The following MORC2 variants were observed in gnomAD, a reference collection of about 807,000 sequenced individuals.
MORC2 encodes the protein MORC family CW-type zinc finger 2, also known as ATPase MORC2.
Under a neutral mutation model 136.0 loss-of-function variants are expected in MORC2, and 30 were observed. The observed-to-expected ratio is 0.22, with a 90% CI of 0.17 to 0.30. MORC2 has a LOEUF of 0.30. Among genes scored for constraint, MORC2 ranks in the 10% least tolerant of loss-of-function variants. The pLI is 1.00. For missense variants in MORC2, 922 were observed against 1,333.1 expected, an observed-to-expected ratio of 0.69 and a Z score of 4.80; for synonymous variants, 439 against 487.0, an observed-to-expected ratio of 0.90 and a Z score of 1.30.
At chr22:30,946,508 A>T in intron 5 of MORC2, 59 bp from the exon 6 acceptor site, 1 of 1,446,064 alleles carries the variant, frequency 6.9e-7, no homozygotes, top group Non-Finnish European at 9.6e-7. Flanking sequence ...CATCTGCAAA[A>T]GAAATCAATC....
rs758213183 is a variant in MORC2, at chr22:30,939,691, C to T, written c.1003G>A (p.Val335Ile). 2 of 1,614,038 alleles carry T rather than the reference C, an allele frequency of 1.2e-6. No homozygotes were observed. The highest frequency in any genetic ancestry group is 1.7e-6 in the Non-Finnish European group (2 of 1,180,028). ...TRDSRVMLRQ[V>I]QNRAITLRRE... is the part of the protein sequence containing the mutation. ...CGCAGAGTGATGGCTCTGTTCTGGA[C>T]CTGTCGCAACATCACCTGCACACAT... Residue 335 changes from valine to isoleucine, a missense_variant, in exon 12 of 26, where the codon GTC becomes ATC. Physicochemically the swap from Val to Ile is conservative, Grantham distance 29 (BLOSUM62 3). This residue lies in a region of MORC2 where 261 missense variants were observed against 354.3 expected (regional missense o/e 0.74). Transcript: ENST00000397641.
intron 6 of MORC2, among the ~76,000 whole-genome samples, chr22:30,944,895 A>C (rs2040793956): frequency 6.6e-6 from 1 of 152,206 alleles, no homozygotes; most frequent in Non-Finnish European, 1.5e-5. Flanking sequence ...CACTCACCCT[A>C]ACCTTTCCAA....
chr22:30,927,351 C>T (rs1388040873), intron 25 of MORC2, among the ~76,000 whole-genome samples: 2 of 152,052 alleles, frequency 1.3e-5, no homozygotes, highest in East Asian at 1.9e-4. Context: ...TCAAACCCCA[C>T]AACTTTCAAG....
At chr22:30,940,078 G>T (rs1408980862) in intron 10 of MORC2, 37 bp from the exon 11 acceptor site, 2 of 1,600,342 alleles carry the variant, frequency 1.2e-6, no homozygotes, top group South Asian at 2.2e-5. Context: ...GAAATGCAAA[G>T]GTTCAAAACT....
At chr22:30,928,447 T>G (rs574556282) in intron 24 of MORC2, among the ~76,000 whole-genome samples, 1 of 152,320 alleles carries the variant, frequency 6.6e-6, no homozygotes, top group South Asian at 2.1e-4. Flanking sequence ...CTCAGCACAG[T>G]GCTCTGGCAG....
In MORC2 at chr22:30,937,746, C is replaced by G. The variant is rs1262111660; in HGVS notation, c.1370-35G>C. 3.1e-6 allele frequency: 5 copies of G among 1,614,002 alleles called. No homozygotes were observed. The highest frequency in any genetic ancestry group is 4.2e-6 in the Non-Finnish European group (5 of 1,179,924). ...AAACACCGATACATCATGTTAGGAGCCAGCCTCTCTCTCTCCCTACATTCA... is the reference window on the plus strand; with the variant it reads ...AAACACCGATACATCATGTTAGGAGGCAGCCTCTCTCTCTCCCTACATTCA... On this transcript the variant is annotated intron_variant, in intron 14 of 25. Coordinates refer to ENST00000397641, the MANE Select transcript of MORC2 (RefSeq NM_001303256.3). The surrounding 1 kb of genome is among the most constrained non-coding windows in gnomAD (Gnocchi z 4.7).
At chr22:30,961,673 C>A (rs920778743) in intron 1 of MORC2, among the ~76,000 whole-genome samples, 2 of 152,198 alleles carry the variant, frequency 1.3e-5, no homozygotes, top group African/African-American at 2.4e-5. Context: ...AATGTACTAA[C>A]TTCAGAATAA....
Position 30,937,138 on chromosome 22 carries a change from T to C in MORC2, c.1499-101A>G. On this transcript the variant is annotated intron_variant, in intron 15 of 25. Transcript: ENST00000397641. The surrounding 1 kb of genome is among the most constrained non-coding windows in gnomAD (Gnocchi z 4.7). ...CACCACAATGATGCCCCAGACTTTG[T>C]AGGCAAAGATCTTCACTCGGGCTCC... 1 of 801,616 alleles carries C rather than the reference T, an allele frequency of 1.2e-6. No homozygotes were observed. The highest frequency in any genetic ancestry group is 2.6e-5 in the East Asian group (1 of 38,642). 49.7% of individuals were successfully genotyped at this position (801,616 alleles called of 1,614,324 possible). A position where few individuals can be genotyped will look rare whatever the true frequency, so the allele number is the denominator to read the frequency against.
chr22:30,945,286 A>G lies in MORC2; in HGVS notation c.426+1055T>C, dbSNP rs185424180. ...CAGAATGAACTCACATACCACACCAAAAAGGCAGACAAACCCACTGGCTTG... is the reference window on the plus strand; with the variant it reads ...CAGAATGAACTCACATACCACACCAGAAAGGCAGACAAACCCACTGGCTTG... On this transcript the variant is annotated intron_variant, in intron 6 of 25. Coordinates refer to ENST00000397641, the MANE Select transcript of MORC2 (RefSeq NM_001303256.3). 3.3e-5 allele frequency among the ~76,000 whole-genome samples: 5 copies of G among 152,324 alleles called. No individual in the cohort carries two copies. In the East Asian group the frequency reaches 9.6e-4, roughly 29 times the overall value.
rs150496681 is a variant in MORC2 at position 30,932,615 on chromosome 22, G to A, written c.2677C>T (p.Arg893Cys). ...VAEPSTSECL[R>C]IEPDTTALST... ...AGGGCAGTGGTGTCAGGCTCAATGC[G>A]GAGGCATTCGGAAGTGGAGGGCTCT... Residue 893 changes from arginine (R) to cysteine (C), a missense_variant, in exon 23 of 26, where the codon CGC becomes TGC. By Grantham distance (180) the Arg-to-Cys change is radical (BLOSUM62 -3). Coordinates refer to ENST00000397641, the MANE Select transcript of MORC2 (RefSeq NM_001303256.3). This position sits in a 1 kb window ranked among gnomAD's most constrained non-coding sequence, Gnocchi z 4.4. 38 of 1,614,174 alleles carry A rather than the reference G, an allele frequency of 2.4e-5. No homozygotes were observed. The highest frequency in any genetic ancestry group is 1.3e-4 in the African/African-American group (10 of 75,032).
In MORC2 at chr22:30,926,711, G is replaced by T; in HGVS notation, c.*92C>A. 1.0e-6 allele frequency: 1 copy of T among 967,000 alleles called. No homozygotes were observed. The highest frequency in any genetic ancestry group is 1.6e-6 in the Non-Finnish European group (1 of 635,426). 59.9% of individuals were successfully genotyped at this position (967,000 alleles called of 1,614,324 possible). The stretch of plus-strand genomic sequence containing the variant: ...AATGTCCCGTGTAAGTCAAACCAAG[G>T]TGCGACCACCAACCCATGAATGAAG... On this transcript the variant is annotated 3_prime_UTR_variant, in exon 26 of 26. Coordinates refer to ENST00000397641, the MANE Select transcript of MORC2 (RefSeq NM_001303256.3).
At chr22:30,958,060 GAACT>G (rs1310741988) in intron 2 of MORC2, among the ~76,000 whole-genome samples, 1 of 152,130 alleles carries the variant, frequency 6.6e-6, no homozygotes, top group African/African-American at 2.4e-5. Context: ...ATTTACATCA[GAACT>G]AACCCAAACT....
In MORC2 at chr22:30,941,983, G is replaced by C; in HGVS notation, c.606C>G (p.Phe202Leu). 1 of 1,613,676 alleles carries C rather than the reference G, an allele frequency of 6.2e-7. No homozygotes were observed. The highest frequency in any genetic ancestry group is 1.1e-5 in the South Asian group (1 of 91,066). The stretch of plus-strand genomic sequence containing the variant: ...CTCCATTATCCATGAGTTTGAGATT[G>C]AAGATGATCACCAATGTTCCTGAGA... ...PGDSGTLVII[F>L]NLKLMDNGEP... Residue 202 changes from phenylalanine (F) to leucine (L), a missense_variant, in exon 8 of 26, where the codon TTC becomes TTG. Transcript: ENST00000397641. This position sits in a 1 kb window ranked among gnomAD's most constrained non-coding sequence, Gnocchi z 4.6.
At chr22:30,935,987 G>A (rs1370726315) in intron 17 of MORC2, among the ~76,000 whole-genome samples, 1 of 151,948 alleles carries the variant, frequency 6.6e-6, no homozygotes, top group Non-Finnish European at 1.5e-5. Flanking sequence ...ATCTCTGGAG[G>A]GTACTTTAGA....
intron 1 of MORC2, among the ~76,000 whole-genome samples, chr22:30,966,237 T>G (rs1396634165): frequency 6.6e-6 from 1 of 152,218 alleles, no homozygotes; most frequent in African/African-American, 2.4e-5. Flanking sequence ...ATAAAATCTG[T>G]AATTCCAGAC....
Position 30,936,728 on chromosome 22 carries a change from T to C in MORC2, c.1605-85A>G, listed in dbSNP as rs1248934670. On this transcript the variant is annotated intron_variant, in intron 16 of 25. Coordinates refer to ENST00000397641, the MANE Select transcript of MORC2 (RefSeq NM_001303256.3). ...CTTTCTCTTCAGCCAGTCTACACTGTCTGTCACAAGAGCAACCACCTCAGA... is the reference window on the plus strand; with the variant it reads ...CTTTCTCTTCAGCCAGTCTACACTGCCTGTCACAAGAGCAACCACCTCAGA... 6 of 1,540,330 alleles carry C rather than the reference T, an allele frequency of 3.9e-6. No individual in the cohort carries two copies. In the East Asian group the frequency reaches 6.7e-5, roughly 17 times the overall value.
intron 16 of MORC2, 51 bp from the exon 17 acceptor site, chr22:30,936,694 G>A (rs199560870): frequency 2.6e-5 from 42 of 1,595,174 alleles, no homozygotes; most frequent in Admixed American, 8.7e-5. Context: ...CGCCAAGCTC[G>A]GCAAGGACCT....
At chr22:30,939,016 C>T (rs1842550054) in intron 12 of MORC2, among the ~76,000 whole-genome samples, 1 of 152,044 alleles carries the variant, frequency 6.6e-6, no homozygotes, top group Non-Finnish European at 1.5e-5. Context: ...AAACCTGAAA[C>T]CCATGCCTGT....
intron 5 of MORC2, among the ~76,000 whole-genome samples, chr22:30,947,521 A>G (rs1303984211): frequency 6.6e-6 from 1 of 152,192 alleles, no homozygotes; most frequent in Non-Finnish European, 1.5e-5. Flanking sequence ...CTGTGTACCA[A>G]TACAAACCAG....
Sources: gnomAD v4.1 joint callset for allele counts (sites outside exome capture counted in the v4.1 genomes callset) on GRCh38, gnomAD v4.1.1 for gene constraint, gnomAD v4.1.1 regional missense constraint, Gnocchi (gnomAD v3.1) non-coding constraint, MANE v1.5 for transcripts, NCBI Gene and HGNC (gene_info 2026-07-23, HGNC 2026-07-21) for gene names.